Variants in TXLNB observed in about 807,000 individuals in gnomAD.
TXLNB encodes the protein taxilin beta.
TXLNB carries 37 observed loss-of-function variants against 57.4 expected under a neutral mutation model. The observed-to-expected ratio is 0.64, with a 90% CI of 0.50 to 0.85. The LOEUF (loss-of-function observed/expected upper bound fraction) is 0.85. TXLNB is among the 40% of genes least tolerant of loss of function. The probability of loss-of-function intolerance (pLI) is 0.00; values close to 1 mark genes in which losing one functional copy is unlikely to be tolerated. For missense variants in TXLNB, 848 were observed against 825.6 expected (o/e 1.03, Z -0.33); for synonymous variants, 302 against 309.6 (o/e 0.98, Z 0.26).
the TXLNB span, among the ~76,000 whole-genome samples, chr6:139,174,786 T>C: frequency 6.6e-6 from 1 of 152,080 alleles, no homozygotes; most frequent in Non-Finnish European, 1.5e-5. Context: ...TATAAAATGG[T>C]ATAATAATAT....
downstream of TXLNB, chr6:139,239,666 T>TA (rs1562267442): frequency 1.3e-5 from 2 of 152,072 alleles, no homozygotes; most frequent in Non-Finnish European, 2.9e-5. This position sits in a 1 kb window ranked among gnomAD's most constrained non-coding sequence, Gnocchi z 4.7. Context: ...CTAATTTTTT[T>TA]AAAACATTTT....
the TXLNB span, among the ~76,000 whole-genome samples, chr6:139,187,869 T>C: frequency 1.3e-5 from 2 of 152,246 alleles, no homozygotes; most frequent in African/African-American, 4.8e-5. Context: ...ATTGAGTCCC[T>C]ACCTGGGGGT....
At chr6:139,309,714 C>T in the TXLNB span, among the ~76,000 whole-genome samples, 17 of 152,078 alleles carry the variant, frequency 1.1e-4, no homozygotes, top group Non-Finnish European at 2.9e-5. Context: ...TGCTTGAGCC[C>T]AAGAGTTGGA....
chr6:139,299,709 C>G, the TXLNB span, among the ~76,000 whole-genome samples: 1 of 152,048 alleles, frequency 6.6e-6, no homozygotes, highest in Non-Finnish European at 1.5e-5. Context: ...GTGGGACCCC[C>G]TGGGTTTGTG....
the TXLNB span, among the ~76,000 whole-genome samples, chr6:139,297,903 T>G: frequency 3.3e-5 from 5 of 152,062 alleles, no homozygotes; most frequent in East Asian, 9.6e-4. Context: ...TGGCTTGGGG[T>G]GGTGGGGGCG....
the TXLNB span, among the ~76,000 whole-genome samples, chr6:139,229,291 T>G: frequency 6.6e-6 from 1 of 151,518 alleles, no homozygotes; most frequent in Non-Finnish European, 1.5e-5. Context: ...GTCAGGCTAA[T>G]GAGCAAAAGT....
chr6:139,298,407 T>C, the TXLNB span, among the ~76,000 whole-genome samples: 1 of 152,210 alleles, frequency 6.6e-6, no homozygotes, highest in African/African-American at 2.4e-5. Context: ...CTGCATGCAT[T>C]CTACAGGGGA....
At chr6:139,291,439 T>C (rs780287575) in intron 1 of TXLNB, among the ~76,000 whole-genome samples, 1 of 152,254 alleles carries the variant, frequency 6.6e-6, no homozygotes, top group Non-Finnish European at 1.5e-5. Flanking sequence ...TTTGATTTAT[T>C]CTTCATGAGA....
At chr6:139,192,408 A>G in the TXLNB span, among the ~76,000 whole-genome samples, 2 of 152,232 alleles carry the variant, frequency 1.3e-5, no homozygotes, top group African/African-American at 4.8e-5. Flanking sequence ...AATAACAATT[A>G]TCACCTTCTG....
At chr6:139,164,091 C>CTCTG in the TXLNB span, among the ~76,000 whole-genome samples, 1 of 151,564 alleles carries the variant, frequency 6.6e-6, no homozygotes, top group Non-Finnish European at 1.5e-5. Context: ...CTCTCTCTCT[C>CTCTG]TCTCTCTCTG....
the TXLNB span, among the ~76,000 whole-genome samples, chr6:139,319,194 G>A: frequency 5.3e-5 from 8 of 151,664 alleles, no homozygotes; most frequent in South Asian, 8.3e-4. Context: ...TGCCCGCCTC[G>A]GCCTCCTAAA....
At chr6:139,165,351 CA>C in the TXLNB span, among the ~76,000 whole-genome samples, 1 of 152,156 alleles carries the variant, frequency 6.6e-6, no homozygotes, top group African/African-American at 2.4e-5. Flanking sequence ...CAGCCTCCCC[CA>C]CTGTGAATAC....
chr6:139,247,532 CTTTT>C (rs61368061), intron 8 of TXLNB, among the ~76,000 whole-genome samples: 99 of 63,092 alleles, frequency 1.6e-3, no homozygotes, highest in African/African-American at 5.5e-3. Flanking sequence ...CTCTGGTCTT[CTTTT>C]TTTTTTTTTT....
intron 7 of TXLNB, 52 bp downstream of exon 7, chr6:139,255,512 T>A: frequency 6.6e-7 from 1 of 1,525,730 alleles, no homozygotes; most frequent in South Asian, 1.1e-5. Context: ...CCAGCCTTTT[T>A]ATCTGGGGAC....
the TXLNB span, among the ~76,000 whole-genome samples, chr6:139,164,052 A>C: frequency 7.4e-6 from 1 of 135,344 alleles, no homozygotes; most frequent in Admixed American, 7.4e-5. Context: ...GGACTCTCAC[A>C]CACACACACA....
the TXLNB span, among the ~76,000 whole-genome samples, chr6:139,297,574 C>T: frequency 6.6e-6 from 1 of 152,172 alleles, no homozygotes; most frequent in Non-Finnish European, 1.5e-5. Flanking sequence ...AATCAAGTAG[C>T]TTCCACGTGA....
chr6:139,237,216 T>C (rs1349757954), downstream of TXLNB, among the ~76,000 whole-genome samples: 3 of 152,070 alleles, frequency 2.0e-5, no homozygotes, highest in Middle Eastern at 3.2e-3. Flanking sequence ...ATATGTAGTA[T>C]ATTGGCCGGG....
intron 2 of TXLNB, among the ~76,000 whole-genome samples, chr6:139,282,748 G>A (rs774136954): frequency 1.4e-5 from 2 of 145,622 alleles, no homozygotes; most frequent in Middle Eastern, 3.6e-3. Flanking sequence ...GCTTGCTTCT[G>A]TACCACTTTG....
the TXLNB span, among the ~76,000 whole-genome samples, chr6:139,167,574 G>A: frequency 5.9e-5 from 9 of 152,138 alleles, no homozygotes; most frequent in Non-Finnish European, 2.9e-5. Flanking sequence ...AAGGATTGCC[G>A]GTGTATGGTT....
Sources: allele counts gnomAD v4.1 joint callset (sites outside exome capture counted in the v4.1 genomes callset), GRCh38; gene constraint gnomAD v4.1.1; non-coding constraint Gnocchi (gnomAD v3.1); transcripts MANE v1.5; gene names NCBI Gene and HGNC (gene_info 2026-07-23, HGNC 2026-07-21).